Variants in CNTNAP2 observed in about 807,000 individuals in gnomAD.
CNTNAP2 encodes the protein contactin-associated protein-like 2.
CNTNAP2 carries 98 observed loss-of-function variants against 155.2 expected under a neutral mutation model. The ratio of observed to expected loss-of-function variants is 0.63; its 90% CI spans 0.54 to 0.75. The LOEUF (loss-of-function observed/expected upper bound fraction) is 0.75, where lower values mean the gene tolerates loss of function less well. Among genes scored for constraint, CNTNAP2 ranks in the 30% least tolerant of loss-of-function variants. The pLI, the probability that CNTNAP2 is intolerant of heterozygous loss-of-function variation, is 0.00. For synonymous variants in CNTNAP2, 651 were observed against 631.2 expected (o/e 1.03, Z -0.47); for missense variants, 1,727 against 1,688.1 (o/e 1.02, Z -0.40).
rs55646482 is a variant in CNTNAP2 at position 146,864,990 on chromosome 7, TAAAAAAA to T, written c.402+25102_402+25108del. ...TCCAGTCTGAGTGACAGAGTCTATC[TAAAAAAA>T]AAAAAAAAAAAAAAAGTATAAATTT... is the stretch of plus-strand genomic sequence containing the variant. On this transcript the variant is annotated intron_variant, in intron 3 of 23. Transcript: ENST00000361727. Among the ~76,000 whole-genome samples the T allele has an allele frequency of 1.6e-3, 131 of 83,998 alleles. 1 individual carries two copies. The highest frequency in any genetic ancestry group is 2.2e-3 in the Non-Finnish European group (104 of 46,420). The allele number at this position is 83,998 out of a possible 152,430, so 55.1% of individuals were successfully genotyped here.
intron 16 of CNTNAP2, among the ~76,000 whole-genome samples, 161 bp downstream of exon 16, chr7:148,118,449 A>G (rs1804524634): frequency 6.6e-6 from 1 of 152,122 alleles, no homozygotes; most frequent in Non-Finnish European, 1.5e-5. Context: ...TTGGGCTCCA[A>G]CCTCAGTCCC....
intron 1 of CNTNAP2, among the ~76,000 whole-genome samples, chr7:146,243,619 A>G (rs1392408791): frequency 3.9e-5 from 6 of 152,162 alleles, no homozygotes; most frequent in Non-Finnish European, 8.8e-5. Flanking sequence ...GGTGAAAATC[A>G]TGAATTTTGG....
intron 1 of CNTNAP2, among the ~76,000 whole-genome samples, chr7:146,131,105 A>G (rs913608164): frequency 6.6e-6 from 1 of 152,208 alleles, no homozygotes; most frequent in Non-Finnish European, 1.5e-5. Flanking sequence ...TTCACATAAC[A>G]TTTTTGAGAG....
chr7:147,181,142 T>C (rs920474798), intron 8 of CNTNAP2, among the ~76,000 whole-genome samples: 1 of 152,218 alleles, frequency 6.6e-6, no homozygotes, highest in Non-Finnish European at 1.5e-5. Context: ...AGCTTCATGA[T>C]AAAGCTGACT....
intron 16 of CNTNAP2, among the ~76,000 whole-genome samples, chr7:148,129,329 T>G (rs1184812422): frequency 6.6e-6 from 1 of 152,206 alleles, no homozygotes; most frequent in Non-Finnish European, 1.5e-5. Context: ...ATGTCCTGAT[T>G]TCTTTCATGC....
At chr7:147,116,840 G>C (rs893693291) in intron 5 of CNTNAP2, among the ~76,000 whole-genome samples, 1 of 151,888 alleles carries the variant, frequency 6.6e-6, no homozygotes, top group African/African-American at 2.4e-5. Flanking sequence ...AAGCAGTCTG[G>C]CCATGATCTG....
intron 3 of CNTNAP2, among the ~76,000 whole-genome samples, chr7:146,978,144 C>A (rs1045758200): frequency 6.6e-6 from 1 of 152,194 alleles, no homozygotes; most frequent in African/African-American, 2.4e-5. Flanking sequence ...TTTACCCTTT[C>A]AGCTAAGACA....
chr7:146,464,301 C>T (rs1281031317), intron 1 of CNTNAP2, among the ~76,000 whole-genome samples: 8 of 147,098 alleles, frequency 5.4e-5, no homozygotes, highest in Admixed American at 2.1e-4. Context: ...TATTGTCTTT[C>T]CTCCTCCCTA....
chr7:147,975,130 A>ACAAT (rs1801406698), intron 14 of CNTNAP2, among the ~76,000 whole-genome samples: 1 of 141,122 alleles, frequency 7.1e-6, no homozygotes, highest in Non-Finnish European at 1.6e-5. Context: ...TATGTATAAT[A>ACAAT]TTTTTTGTAT....
At position 147,395,018 on chromosome 7, in the gene CNTNAP2, T is replaced by C. The variant is rs1480335408; in HGVS notation, c.1499-591T>C. On this transcript the variant is annotated intron_variant, in intron 9 of 23. Transcript: ENST00000361727. Reference sequence around the variant, plus strand: ...AAGTAGGGTGGCTGACCCTTATGCCTAAATTTATTTGCTTCTAATGTTCCC... The same window carrying C: ...AAGTAGGGTGGCTGACCCTTATGCCCAAATTTATTTGCTTCTAATGTTCCC... Among the ~76,000 whole-genome samples the C allele has an allele frequency of 5.3e-5, 8 of 151,964 alleles. No individual in the cohort carries two copies. In the East Asian group the frequency reaches 1.5e-3, roughly 29 times the overall value.
intron 13 of CNTNAP2, among the ~76,000 whole-genome samples, chr7:147,805,421 T>C (rs547343822): frequency 1.3e-5 from 2 of 152,244 alleles, no homozygotes; most frequent in Non-Finnish European, 2.9e-5. Context: ...TTTATTTCTT[T>C]ATCTTGTCTG....
chr7:147,364,835 T>C (rs1796199286), intron 9 of CNTNAP2, among the ~76,000 whole-genome samples: 1 of 148,406 alleles, frequency 6.7e-6, no homozygotes. Context: ...GGCGACGGAG[T>C]GAGACTCAGT....
chr7:147,823,073 C>T (rs1056754974), intron 13 of CNTNAP2, among the ~76,000 whole-genome samples: 28 of 152,192 alleles, frequency 1.8e-4, no homozygotes, highest in Non-Finnish European at 5.9e-5. Context: ...ACTCCCTTTA[C>T]TGACTGATAT....
intron 8 of CNTNAP2, among the ~76,000 whole-genome samples, chr7:147,257,747 T>C (rs1162017820): frequency 6.6e-6 from 1 of 152,152 alleles, no homozygotes; most frequent in African/African-American, 2.4e-5. Context: ...TCTTTTCACA[T>C]GGAGGGTGAT....
At chr7:146,846,916 T>C (rs1245710518) in intron 3 of CNTNAP2, among the ~76,000 whole-genome samples, 2 of 152,160 alleles carry the variant, frequency 1.3e-5, no homozygotes, top group Non-Finnish European at 2.9e-5. Context: ...TAATTATTCT[T>C]CTAATGTTTA....
At chr7:146,650,098 A>T (rs1032220689) in intron 1 of CNTNAP2, among the ~76,000 whole-genome samples, 1 of 152,090 alleles carries the variant, frequency 6.6e-6, no homozygotes, top group Non-Finnish European at 1.5e-5. Flanking sequence ...TGTTGGTGGG[A>T]GTGTAATTTG....
chr7:147,925,304 A>T (rs767837799), intron 14 of CNTNAP2, among the ~76,000 whole-genome samples: 1 of 147,402 alleles, frequency 6.8e-6, no homozygotes, highest in African/African-American at 2.5e-5. Context: ...ACACACACAC[A>T]CACACACACA....
chr7:148,002,268 G>A (rs970480891), intron 15 of CNTNAP2, among the ~76,000 whole-genome samples: 1 of 151,928 alleles, frequency 6.6e-6, no homozygotes, highest in Non-Finnish European at 1.5e-5. Flanking sequence ...ATAAGCATAC[G>A]CTTTTTCAAA....
intron 15 of CNTNAP2, among the ~76,000 whole-genome samples, chr7:148,007,581 C>T (rs955076935): frequency 3.0e-4 from 46 of 152,038 alleles, no homozygotes; most frequent in Non-Finnish European, 2.2e-4. Context: ...CATTGATTCC[C>T]AAACGTAGAC....
Sources: gnomAD v4.1 joint callset for allele counts (sites outside exome capture counted in the v4.1 genomes callset) on GRCh38, gnomAD v4.1.1 for gene constraint, MANE v1.5 for transcripts, NCBI Gene and HGNC (gene_info 2026-07-23, HGNC 2026-07-21) for gene names.